The following RIMS2 variants were observed in gnomAD, a reference collection of about 807,000 sequenced individuals.
The protein encoded by RIMS2 is regulating synaptic membrane exocytosis 2.
In RIMS2, 59 loss-of-function variants were observed where a neutral mutation model predicts 174.4. That is an observed-to-expected ratio of 0.34 (90% CI 0.27 to 0.42). The LOEUF is 0.42. RIMS2 is among the 10% of genes least tolerant of loss of function. RIMS2 has a pLI of 1.00. For missense variants in RIMS2, 1,620 were observed against 1,666.3 expected, an observed-to-expected ratio of 0.97 and a Z score of 0.48; for synonymous variants, 606 against 572.5, an observed-to-expected ratio of 1.06 and a Z score of -0.84.
At chr8:103,751,014 T>C (rs531743034) in intron 2 of RIMS2, among the ~76,000 whole-genome samples, 25 of 152,226 alleles carry the variant, frequency 1.6e-4, no homozygotes, top group Admixed American at 1.3e-3. Context: ...CTGATGGTTT[T>C]AAAAAGGGCA....
intron 2 of RIMS2, among the ~76,000 whole-genome samples, chr8:103,718,150 C>T (rs2097397410): frequency 6.6e-6 from 1 of 151,954 alleles, no homozygotes; most frequent in South Asian, 2.1e-4. Context: ...TATCTAATGC[C>T]AAGGAGGATA....
chr8:103,584,591 TG>T (rs1225457847), intron 1 of RIMS2, among the ~76,000 whole-genome samples: 1 of 152,180 alleles, frequency 6.6e-6, no homozygotes, highest in Non-Finnish European at 1.5e-5. Flanking sequence ...TGGGGGAGGA[TG>T]AAGTTAAGGC....
chr8:104,005,443 T>C (rs959705497), intron 17 of RIMS2, among the ~76,000 whole-genome samples: 10 of 152,144 alleles, frequency 6.6e-5, no homozygotes, highest in African/African-American at 2.4e-4. Context: ...AACTAAATGT[T>C]ATTTAAGGCA....
intron 18 of RIMS2, 149 bp downstream of exon 20, chr8:104,013,770 A>G (rs761879606): frequency 8.0e-6 from 5 of 623,152 alleles, no homozygotes; most frequent in Non-Finnish European, 1.1e-5. Context: ...CACACTATTT[A>G]TATTCACTGG....
chr8:103,594,724 G>A (rs975613778), intron 1 of RIMS2, among the ~76,000 whole-genome samples: 3 of 151,924 alleles, frequency 2.0e-5, no homozygotes, highest in African/African-American at 7.2e-5. Context: ...TTAGTAAATT[G>A]TAAATGTTTC....
chr8:103,613,335 A>G (rs2095430546), intron 1 of RIMS2, among the ~76,000 whole-genome samples: 3 of 151,956 alleles, frequency 2.0e-5, no homozygotes, highest in Admixed American at 6.6e-5. Flanking sequence ...ACCCTAGCCC[A>G]CTGAGGTGGT....
chr8:103,899,381 C>T (rs559835214), intron 4 of RIMS2, among the ~76,000 whole-genome samples: 2 of 151,836 alleles, frequency 1.3e-5, no homozygotes, highest in South Asian at 2.1e-4. Context: ...TCTCCAGCAC[C>T]TGTTGTTTCC....
At chr8:103,635,245 G>T (rs2096047048) in intron 1 of RIMS2, among the ~76,000 whole-genome samples, 1 of 152,234 alleles carries the variant, frequency 6.6e-6, no homozygotes, top group Non-Finnish European at 1.5e-5. Flanking sequence ...AAGATGTCTT[G>T]TGAGGCAGGT....
At chr8:103,662,027 A>G (rs1172515252) in intron 1 of RIMS2, among the ~76,000 whole-genome samples, 1 of 152,254 alleles carries the variant, frequency 6.6e-6, no homozygotes, top group Non-Finnish European at 1.5e-5. Context: ...TCCCTGGGCT[A>G]CATTGGAAGA....
intron 1 of RIMS2, among the ~76,000 whole-genome samples, chr8:103,664,154 A>G (rs1452965538): frequency 6.6e-6 from 1 of 152,240 alleles, no homozygotes; most frequent in Non-Finnish European, 1.5e-5. Flanking sequence ...ACTTCAATGT[A>G]AGACCTAATA....
chr8:103,608,739 G>T (rs1255367022), intron 1 of RIMS2, among the ~76,000 whole-genome samples: 1 of 150,732 alleles, frequency 6.6e-6, no homozygotes, highest in Non-Finnish European at 1.5e-5. Context: ...ATTCGGGTGG[G>T]AGTGACCCGA....
At chr8:104,166,088 A>T in intron 19 of RIMS2, among the ~76,000 whole-genome samples, 1 of 121,522 alleles carries the variant, frequency 8.2e-6, no homozygotes, top group African/African-American at 3.3e-5. Flanking sequence ...TTTTTTTGAG[A>T]CAGAGTCTCG....
chr8:103,911,278 T>C (rs571137113), intron 5 of RIMS2, among the ~76,000 whole-genome samples: 2 of 152,304 alleles, frequency 1.3e-5, no homozygotes, highest in South Asian at 4.1e-4. Context: ...AATACTGTCA[T>C]TATTTACAGA....
chr8:103,940,342 T>A (rs2082242909), intron 13 of RIMS2, among the ~76,000 whole-genome samples: 1 of 151,998 alleles, frequency 6.6e-6, no homozygotes, highest in East Asian at 1.9e-4. Context: ...AACAATCAGA[T>A]CTTGTGAGAT....
At chr8:104,102,363 C>A (rs1426278717) in intron 19 of RIMS2, among the ~76,000 whole-genome samples, 1 of 152,162 alleles carries the variant, frequency 6.6e-6, no homozygotes, top group African/African-American at 2.4e-5. Flanking sequence ...CTCCACTGGG[C>A]ACAATTTCTT....
intron 19 of RIMS2, among the ~76,000 whole-genome samples, chr8:104,054,758 A>C (rs887752221): frequency 1.3e-5 from 2 of 152,088 alleles, no homozygotes; most frequent in African/African-American, 4.8e-5. Flanking sequence ...ATGTTTCTTT[A>C]AGTATCAAAA....
chr8:103,620,324 A>C (rs773276866), intron 1 of RIMS2, among the ~76,000 whole-genome samples: 1 of 152,132 alleles, frequency 6.6e-6, no homozygotes, highest in Non-Finnish European at 1.5e-5. Context: ...TAAGTTAAAC[A>C]TATATATGAC....
At chr8:103,715,340 AC>A (rs2097355289) in intron 2 of RIMS2, among the ~76,000 whole-genome samples, 1 of 151,894 alleles carries the variant, frequency 6.6e-6, no homozygotes, top group African/African-American at 2.4e-5. Context: ...CCTGCCCCCG[AC>A]CAACAGGCCC....
At chr8:103,775,528 T>C (rs2098304926) in intron 3 of RIMS2, among the ~76,000 whole-genome samples, 1 of 152,118 alleles carries the variant, frequency 6.6e-6, no homozygotes. Context: ...TGGTGCCACT[T>C]TCTGTGAATT....
Sources: allele counts gnomAD v4.1 joint callset (sites outside exome capture counted in the v4.1 genomes callset), GRCh38; gene constraint gnomAD v4.1.1; transcripts MANE v1.5; gene names NCBI Gene and HGNC (gene_info 2026-07-23, HGNC 2026-07-21).